FAT3: variants seen among roughly 807,000 people sequenced by gnomAD.
FAT3 encodes the protein protocadherin Fat 3.
A neutral mutation model predicts 310.2 loss-of-function variants in FAT3; 95 were observed. That is an observed-to-expected ratio of 0.31 (90% confidence interval 0.26 to 0.36). FAT3 has a LOEUF of 0.36. Among genes scored for constraint, FAT3 ranks in the 10% least tolerant of loss-of-function variants. The pLI, the probability that FAT3 is intolerant of heterozygous loss-of-function variation, is 1.00. For synonymous variants in FAT3, 2,314 were observed against 2,192.9 expected (o/e 1.06, Z -1.54); for missense variants, 5,408 against 5,715.6 (o/e 0.95, Z 1.74).
At chr11:92,356,891 A>T (rs1044828630) in intron 2 of FAT3, among the ~76,000 whole-genome samples, 2 of 152,196 alleles carry the variant, frequency 1.3e-5, no homozygotes, top group Admixed American at 1.3e-4. Context: ...GTAGCAAGAA[A>T]GCTACATGTA....
chr11:92,266,234 C>T (rs1945943792), intron 1 of FAT3, among the ~76,000 whole-genome samples: 1 of 152,086 alleles, frequency 6.6e-6, no homozygotes, highest in South Asian at 2.1e-4. Context: ...GCTCTCTGAG[C>T]CATTCATATG....
Position 92,891,264 on chromosome 11 carries a change from A to G in FAT3, c.*151A>G. 4.6e-6 allele frequency: 5 copies of G among 1,075,840 alleles called. No individual in the cohort carries two copies. Among genetic ancestry groups the G allele is most frequent in the Non-Finnish European group, 6.5e-6 (5 of 766,230 alleles). The allele number at this position is 1,075,840 out of a possible 1,614,324, so 66.6% of individuals were successfully genotyped here. A position where few individuals can be genotyped will look rare whatever the true frequency, so the allele number is the denominator to read the frequency against. On this transcript the variant is annotated 3_prime_UTR_variant, in exon 28 of 28. Coordinates refer to ENST00000525166, the MANE Select transcript of FAT3 (RefSeq NM_001367949.2). ...CTTCTTCACAAGTCATACTGTCCCAACAAGCAAGCTTGATTCCAGTTGGGT... is the reference window on the plus strand; with the variant it reads ...CTTCTTCACAAGTCATACTGTCCCAGCAAGCAAGCTTGATTCCAGTTGGGT...
intron 1 of FAT3, among the ~76,000 whole-genome samples, chr11:92,327,924 G>A (rs904754270): frequency 6.6e-6 from 1 of 152,182 alleles, no homozygotes; most frequent in Non-Finnish European, 1.5e-5. Flanking sequence ...AAAAGATGGA[G>A]AGAGAAGAGG....
chr11:92,584,326 T>G (rs1939014086), intron 3 of FAT3, among the ~76,000 whole-genome samples: 1 of 152,086 alleles, frequency 6.6e-6, no homozygotes, highest in South Asian at 2.1e-4. Flanking sequence ...CAAAGATCTA[T>G]TCTTCATATT....
chr11:92,736,340 G>A (rs2136013500), intron 4 of FAT3, among the ~76,000 whole-genome samples: 1 of 152,172 alleles, frequency 6.6e-6, no homozygotes, highest in South Asian at 2.1e-4. Flanking sequence ...TGCTCACCAA[G>A]CCCAAATGTG....
intron 2 of FAT3, among the ~76,000 whole-genome samples, chr11:92,509,686 T>C (rs1953228867): frequency 6.6e-6 from 1 of 152,150 alleles, no homozygotes; most frequent in South Asian, 2.1e-4. Context: ...AAGTTATTAA[T>C]GCGGAAAGAT....
At chr11:92,676,742 C>G (rs1943300575) in intron 3 of FAT3, among the ~76,000 whole-genome samples, 1 of 152,058 alleles carries the variant, frequency 6.6e-6, no homozygotes, top group Non-Finnish European at 1.5e-5. Context: ...TTATTCATAG[C>G]TATATATTTA....
At chr11:92,342,407 G>T (rs776491835) in intron 1 of FAT3, among the ~76,000 whole-genome samples, 1 of 152,086 alleles carries the variant, frequency 6.6e-6, no homozygotes, top group African/African-American at 2.4e-5. Context: ...CGTATCTTCC[G>T]ATTTTACTTT....
intron 13 of FAT3, among the ~76,000 whole-genome samples, chr11:92,810,424 A>G (rs868368144): frequency 6.6e-6 from 1 of 152,222 alleles, no homozygotes; most frequent in Non-Finnish European, 1.5e-5. Flanking sequence ...CCTCCTAAAC[A>G]TAGTCAAAAG....
intron 1 of FAT3, among the ~76,000 whole-genome samples, chr11:92,227,873 C>G (rs1379916599): frequency 6.6e-6 from 1 of 150,596 alleles, no homozygotes; most frequent in African/African-American, 2.4e-5. Flanking sequence ...AACTTTAGCA[C>G]TTTGATGTGC....
chr11:92,767,775 C>T (rs1295255917), intron 6 of FAT3, among the ~76,000 whole-genome samples: 2 of 152,108 alleles, frequency 1.3e-5, no homozygotes, highest in Non-Finnish European at 2.9e-5. Context: ...GGTTAAGGCC[C>T]ATGTGTCCTC....
At chr11:92,423,334 T>A (rs1422413683) in intron 2 of FAT3, among the ~76,000 whole-genome samples, 1 of 152,194 alleles carries the variant, frequency 6.6e-6, no homozygotes, top group Non-Finnish European at 1.5e-5. Flanking sequence ...CTCATTGCAT[T>A]GCCATCATAA....
At chr11:92,781,169 G>A (rs550400788) in intron 7 of FAT3, among the ~76,000 whole-genome samples, 2 of 146,720 alleles carry the variant, frequency 1.4e-5, no homozygotes, top group East Asian at 4.1e-4. Context: ...CCACCTCCCA[G>A]GTTCAAGCAA....
chr11:92,710,113 G>A (rs1387875304), intron 4 of FAT3, among the ~76,000 whole-genome samples: 1 of 152,112 alleles, frequency 6.6e-6, no homozygotes, highest in Non-Finnish European at 1.5e-5. Flanking sequence ...ATAGAAAAAT[G>A]TCAATATTTT....
intron 4 of FAT3, chr11:92,748,670 A>C (rs1033697663): frequency 1.1e-4 from 16 of 152,236 alleles, no homozygotes; most frequent in African/African-American, 3.9e-4. Context: ...CAGAATGAGG[A>C]AAGCAGAGTG....
At chr11:92,661,699 A>G (rs1292396014) in intron 3 of FAT3, among the ~76,000 whole-genome samples, 1 of 152,138 alleles carries the variant, frequency 6.6e-6, no homozygotes, top group Admixed American at 6.6e-5. Context: ...TGTGGGGGAA[A>G]AAACTCATTT....
intron 1 of FAT3, among the ~76,000 whole-genome samples, chr11:92,343,148 A>C (rs1235345329): frequency 1.3e-5 from 2 of 152,148 alleles, no homozygotes; most frequent in Non-Finnish European, 2.9e-5. Context: ...AATCAACTTG[A>C]ATTACTCTTG....
At chr11:92,769,199 G>A (rs1946399509) in intron 6 of FAT3, among the ~76,000 whole-genome samples, 1 of 152,192 alleles carries the variant, frequency 6.6e-6, no homozygotes, top group Non-Finnish European at 1.5e-5. Flanking sequence ...ATATTATGCA[G>A]TGAGACTTTT....
intron 6 of FAT3, among the ~76,000 whole-genome samples, chr11:92,769,968 T>A (rs1217125420): frequency 6.6e-6 from 1 of 152,220 alleles, no homozygotes; most frequent in African/African-American, 2.4e-5. Flanking sequence ...GTTCTTCAAC[T>A]AGAGCTTGGA....
Sources: allele counts gnomAD v4.1 joint callset (sites outside exome capture counted in the v4.1 genomes callset), GRCh38; gene constraint gnomAD v4.1.1; transcripts MANE v1.5; gene names NCBI Gene and HGNC (gene_info 2026-07-23, HGNC 2026-07-21).